HDAC8: variants seen among roughly 807,000 people sequenced by gnomAD.
HDAC8 encodes histone deacetylase-like 1.
A neutral mutation model predicts 32.2 loss-of-function variants in HDAC8; 1 was observed. That is an observed-to-expected ratio of 0.03 (90% CI 0.01 to 0.15). The LOEUF (loss-of-function observed/expected upper bound fraction) is 0.15, where lower values mean the gene tolerates loss of function less well. Among genes scored for constraint, HDAC8 ranks in the 10% least tolerant of loss-of-function variants. HDAC8 has a pLI of 1.00. For missense variants in HDAC8, 117 were observed against 300.0 expected (o/e 0.39, Z 4.51); for synonymous variants, 108 against 113.9 (o/e 0.95, Z 0.33).
At chrX:72,444,552 A>G (rs1332355832) in intron 9 of HDAC8, among the ~76,000 whole-genome samples, 3 of 104,971 alleles carry the variant, frequency 2.9e-5, no homozygotes, top group African/African-American at 6.9e-5. Flanking sequence ...AATAAGAGCT[A>G]TCTATGACAA....
chrX:72,551,112 C>A (rs782574582), intron 4 of HDAC8, among the ~76,000 whole-genome samples: 1 of 108,786 alleles, frequency 9.2e-6, no homozygotes, highest in Non-Finnish European at 1.9e-5. Context: ...CACACACACA[C>A]AAAACTGATG....
intron 4 of HDAC8, among the ~76,000 whole-genome samples, chrX:72,528,100 G>A (rs1450579674): frequency 1.8e-5 from 2 of 110,618 alleles, no homozygotes; most frequent in South Asian, 3.9e-4. Context: ...CTTAGCCCTA[G>A]GTACAGCTGG....
At chrX:72,400,805 C>G (rs2045880681) in intron 9 of HDAC8, among the ~76,000 whole-genome samples, 1 of 111,971 alleles carries the variant, frequency 8.9e-6, no homozygotes, top group South Asian at 3.8e-4. Context: ...CTCTCACCCC[C>G]CTGAATGTTG....
At chrX:72,524,730 C>T (rs1289779292) in intron 4 of HDAC8, among the ~76,000 whole-genome samples, 1 of 111,066 alleles carries the variant, frequency 9.0e-6, no homozygotes, top group Non-Finnish European at 1.9e-5. Context: ...GATTCATCAT[C>T]CCAGAATGCC....
intron 9 of HDAC8, chrX:72,376,910 T>C (rs1339291202): frequency 9.0e-6 from 1 of 111,656 alleles, no homozygotes; most frequent in Non-Finnish European, 1.9e-5. Context: ...GTTTTTGTTT[T>C]CATTCATCTT....
intron 9 of HDAC8, among the ~76,000 whole-genome samples, chrX:72,453,472 G>GAAAGAAAGAAAT (rs2047632728): frequency 1.1e-5 from 1 of 91,738 alleles, no homozygotes; most frequent in East Asian, 3.3e-4. Flanking sequence ...AATAAAGAAA[G>GAAAGAAAGAAAT]AAAGAAAGAA....
intron 9 of HDAC8, among the ~76,000 whole-genome samples, chrX:72,411,179 C>A (rs2046185787): frequency 9.1e-6 from 1 of 110,389 alleles, no homozygotes; most frequent in Non-Finnish European, 1.9e-5. Flanking sequence ...GCATACACCA[C>A]CATGCCTGGC....
At chrX:72,491,708 G>T (rs1556009806) in intron 5 of HDAC8, among the ~76,000 whole-genome samples, 1 of 111,480 alleles carries the variant, frequency 9.0e-6, no homozygotes, top group Non-Finnish European at 1.9e-5. Context: ...AACTTAGTGA[G>T]TAAACGATTA....
chrX:72,541,480 G>C (rs1202037698), intron 4 of HDAC8, among the ~76,000 whole-genome samples: 1 of 112,413 alleles, frequency 8.9e-6, no homozygotes, highest in Non-Finnish European at 1.9e-5. Context: ...GAGTGGAACA[G>C]GGAGCCAGTG....
intron 4 of HDAC8, among the ~76,000 whole-genome samples, chrX:72,519,600 C>T (rs1485306704): frequency 1.8e-5 from 2 of 111,322 alleles, no homozygotes; most frequent in Non-Finnish European, 3.8e-5. Context: ...TATAAATTTT[C>T]TTTTTTTGAG....
At chrX:72,486,758 C>T (rs2048690367) in intron 7 of HDAC8, among the ~76,000 whole-genome samples, 1 of 111,401 alleles carries the variant, frequency 9.0e-6, no homozygotes, top group South Asian at 3.8e-4. Context: ...GCCAAAATTT[C>T]GTTTTAAGGA....
intron 9 of HDAC8, among the ~76,000 whole-genome samples, chrX:72,387,303 C>G (rs1398854719): frequency 8.9e-6 from 1 of 111,928 alleles, no homozygotes; most frequent in African/African-American, 3.2e-5. Flanking sequence ...GTGGCTGCTC[C>G]TCTCCCTGCA....
Position 72,329,517 on chromosome X carries a change from A to T in HDAC8, c.*537T>A. On this transcript the variant is annotated 3_prime_UTR_variant, in exon 11 of 11. Coordinates refer to ENST00000373573, the MANE Select transcript of HDAC8 (RefSeq NM_018486.3). Reference sequence around the variant, plus strand: ...AATGAAGACAACGGGACAAAGAGGTAGGTTTTCAAAGATTTTATTAAAAAA... The same window carrying T: ...AATGAAGACAACGGGACAAAGAGGTTGGTTTTCAAAGATTTTATTAAAAAA... 1 of 498,090 alleles carries T rather than the reference A, an allele frequency of 2.0e-6. No homozygotes were observed. The highest frequency in any genetic ancestry group is 3.3e-6 in the Non-Finnish European group (1 of 301,277). The allele number at this position is 498,090 out of a possible 1,213,427, so 41.0% of individuals were successfully genotyped here. A position where few individuals can be genotyped will look rare whatever the true frequency, so the allele number is the denominator to read the frequency against.
chrX:72,565,494 G>A (rs1273861762), intron 4 of HDAC8, among the ~76,000 whole-genome samples: 1 of 112,041 alleles, frequency 8.9e-6, no homozygotes, highest in South Asian at 3.7e-4. Flanking sequence ...CAGTTAAGGC[G>A]ATATATGTGG....
chrX:72,370,481 C>T (rs991884768), intron 9 of HDAC8, among the ~76,000 whole-genome samples: 5 of 111,809 alleles, frequency 4.5e-5, no homozygotes, highest in Non-Finnish European at 5.6e-5. Context: ...CTGCGTCAGC[C>T]TCCTGAGTAG....
intron 10 of HDAC8, among the ~76,000 whole-genome samples, chrX:72,342,218 C>A (rs1165234200): frequency 8.9e-6 from 1 of 112,797 alleles, no homozygotes; most frequent in Non-Finnish European, 1.9e-5. Flanking sequence ...TTTCCTTTCT[C>A]AAAAGACTGT....
chrX:72,561,068 C>T (rs1324980042), intron 4 of HDAC8, among the ~76,000 whole-genome samples: 1 of 111,876 alleles, frequency 8.9e-6, no homozygotes, highest in East Asian at 2.8e-4. Flanking sequence ...AATGAAAACA[C>T]ATTCCATGCT....
chrX:72,493,733 G>T (rs957473331), intron 5 of HDAC8, among the ~76,000 whole-genome samples: 1 of 111,619 alleles, frequency 9.0e-6, no homozygotes, highest in South Asian at 3.8e-4. Context: ...GGCTTGGTCT[G>T]TCGCCCAAGC....
chrX:72,371,319 TA>T (rs1250423167), intron 9 of HDAC8, among the ~76,000 whole-genome samples: 1 of 111,716 alleles, frequency 9.0e-6, no homozygotes, highest in Non-Finnish European at 1.9e-5. Context: ...AATGAAAAGT[TA>T]AAAAAGTAAT....
Sources: gnomAD v4.1 joint callset for allele counts (sites outside exome capture counted in the v4.1 genomes callset) on GRCh38, gnomAD v4.1.1 for gene constraint, MANE v1.5 for transcripts, NCBI Gene and HGNC (gene_info 2026-07-23, HGNC 2026-07-21) for gene names.